Variants in SV2C observed in about 807,000 individuals in gnomAD.
SV2C encodes the protein synaptic vesicle glycoprotein 2C, also known as solute carrier family 22 member B3.
In SV2C, 49 loss-of-function variants were observed where a neutral mutation model predicts 79.7. That is an observed-to-expected ratio of 0.61 (90% CI 0.49 to 0.78). The LOEUF is 0.78. SV2C is among the 30% of genes least tolerant of loss of function. The probability of loss-of-function intolerance (pLI) is 0.00; values close to 1 mark genes in which losing one functional copy is unlikely to be tolerated. For synonymous variants in SV2C, 334 were observed against 333.2 expected, an observed-to-expected ratio of 1.00 and a Z score of -0.03; for missense variants, 833 against 912.9, an observed-to-expected ratio of 0.91 and a Z score of 1.13.
chr5:76,189,127 T>C (rs1744017867), intron 2 of SV2C, among the ~76,000 whole-genome samples: 1 of 152,080 alleles, frequency 6.6e-6, no homozygotes, highest in African/African-American at 2.4e-5. Flanking sequence ...GCCTGAGATC[T>C]TAAGTATAGT....
chr5:76,159,460 A>T (rs1182247382), intron 2 of SV2C, among the ~76,000 whole-genome samples: 1 of 152,168 alleles, frequency 6.6e-6, no homozygotes, highest in Non-Finnish European at 1.5e-5. Context: ...GCCATAACAA[A>T]GTACCAAAAA....
chr5:75,941,581 G>A, the SV2C span, among the ~76,000 whole-genome samples: 1 of 152,132 alleles, frequency 6.6e-6, no homozygotes, highest in Non-Finnish European at 1.5e-5. Flanking sequence ...GTAGGTATAT[G>A]GCTGTCCAGC....
chr5:76,090,245 G>C (rs930681942), intron 1 of SV2C, among the ~76,000 whole-genome samples: 27 of 152,176 alleles, frequency 1.8e-4, no homozygotes, highest in African/African-American at 6.5e-4. Flanking sequence ...ATTTGGTTTA[G>C]TGTTCTGCTA....
chr5:76,344,150 C>A (rs1388570271), intron 12 of SV2C, among the ~76,000 whole-genome samples: 5 of 152,222 alleles, frequency 3.3e-5, no homozygotes, highest in Non-Finnish European at 7.3e-5. Flanking sequence ...TATTCTACTT[C>A]TCCCTGTTTT....
At chr5:75,933,945 G>A in the SV2C span, among the ~76,000 whole-genome samples, 1 of 152,190 alleles carries the variant, frequency 6.6e-6, no homozygotes, top group Non-Finnish European at 1.5e-5. Flanking sequence ...CTGTAAAACA[G>A]GATCAAGATT....
intron 4 of SV2C, among the ~76,000 whole-genome samples, chr5:76,279,724 G>A (rs559491480): frequency 3.9e-5 from 6 of 152,304 alleles, no homozygotes; most frequent in African/African-American, 1.4e-4. Flanking sequence ...AAGGGGAACT[G>A]AGGAATAGCA....
the SV2C span, among the ~76,000 whole-genome samples, chr5:76,029,352 G>A: frequency 1.3e-5 from 2 of 152,096 alleles, no homozygotes; most frequent in Admixed American, 6.6e-5. Flanking sequence ...TGAAAATGTT[G>A]TGTTCTTTGA....
chr5:76,306,995 C>T (rs999249882), intron 12 of SV2C, among the ~76,000 whole-genome samples: 2 of 152,156 alleles, frequency 1.3e-5, no homozygotes, highest in African/African-American at 4.8e-5. Context: ...GGATGATCTA[C>T]AGTCTTAAGT....
At chr5:76,036,280 T>C in the SV2C span, among the ~76,000 whole-genome samples, 1 of 152,282 alleles carries the variant, frequency 6.6e-6, no homozygotes, top group Admixed American at 6.5e-5. Flanking sequence ...AATTTGATCC[T>C]GTCATTATGA....
chr5:75,945,813 C>G, the SV2C span, among the ~76,000 whole-genome samples: 1 of 151,786 alleles, frequency 6.6e-6, no homozygotes, highest in Non-Finnish European at 1.5e-5. Flanking sequence ...AATTAAATAA[C>G]AGACTTCTGA....
the SV2C span, among the ~76,000 whole-genome samples, chr5:76,002,451 G>A: frequency 1.3e-5 from 2 of 152,164 alleles, no homozygotes; most frequent in Non-Finnish European, 2.9e-5. Context: ...TGGATATGGG[G>A]TTCCTTTGGA....
At chr5:76,042,863 C>T in the SV2C span, among the ~76,000 whole-genome samples, 454 of 152,292 alleles carry the variant, frequency 3.0e-3, 16 homozygotes, top group Admixed American at 0.026. Flanking sequence ...TTCTGACAAT[C>T]GCTGCAGCTG....
At chr5:76,202,015 CAAAAAAAAAAA>C (rs373279209) in intron 3 of SV2C, among the ~76,000 whole-genome samples, 1 of 82,154 alleles carries the variant, frequency 1.2e-5, no homozygotes, top group African/African-American at 4.8e-5. Flanking sequence ...GACTCCATCT[CAAAAAAAAAAA>C]AAAAAAAAAA....
chr5:76,092,106 T>G (rs73764004), intron 1 of SV2C, among the ~76,000 whole-genome samples: 3,953 of 152,294 alleles, frequency 0.026, 71 homozygotes, highest in South Asian at 0.075. Flanking sequence ...TATAGTATGA[T>G]TCTACTAAAA....
intron 12 of SV2C, among the ~76,000 whole-genome samples, chr5:76,345,115 A>C (rs1749514657): frequency 6.6e-6 from 1 of 152,378 alleles, no homozygotes; most frequent in East Asian, 1.9e-4. Context: ...AAAAAGTAGA[A>C]GGGAGAGTGT....
intron 2 of SV2C, among the ~76,000 whole-genome samples, chr5:76,170,033 A>G (rs1194621393): frequency 6.6e-6 from 1 of 152,188 alleles, no homozygotes; most frequent in Non-Finnish European, 1.5e-5. Context: ...TGATGTGACA[A>G]CCAGTCATCA....
At chr5:75,901,772 C>G in the SV2C span, among the ~76,000 whole-genome samples, 4 of 152,236 alleles carry the variant, frequency 2.6e-5, no homozygotes, top group African/African-American at 7.2e-5. Flanking sequence ...CTTTGTTTAC[C>G]TAAGCAAGCC....
chr5:75,880,895 G>A, the SV2C span, among the ~76,000 whole-genome samples: 1 of 152,124 alleles, frequency 6.6e-6, no homozygotes, highest in Admixed American at 6.6e-5. Flanking sequence ...GGTTTAGTTG[G>A]CTCATGGTTC....
chr5:75,874,404 C>T, the SV2C span, among the ~76,000 whole-genome samples: 1 of 152,030 alleles, frequency 6.6e-6, no homozygotes, highest in Non-Finnish European at 1.5e-5. Flanking sequence ...AAGGAACATA[C>T]CTCAAAATAA....
Sources: gnomAD v4.1 joint callset for allele counts (sites outside exome capture counted in the v4.1 genomes callset) on GRCh38, gnomAD v4.1.1 for gene constraint, MANE v1.5 for transcripts, NCBI Gene and HGNC (gene_info 2026-07-23, HGNC 2026-07-21) for gene names.